The following TRPM3 variants were observed in gnomAD, a reference collection of about 807,000 sequenced individuals.
TRPM3 encodes the protein transient receptor potential cation channel subfamily M member 3.
A neutral mutation model predicts 181.2 loss-of-function variants in TRPM3; 77 were observed. The observed-to-expected ratio is 0.42, with a 90% CI of 0.35 to 0.51. The LOEUF (loss-of-function observed/expected upper bound fraction) is 0.51. Among genes scored for constraint, TRPM3 ranks in the 20% least tolerant of loss-of-function variants. The pLI is 0.01. For synonymous variants in TRPM3, 745 were observed against 796.4 expected (o/e 0.94, Z 1.09); for missense variants, 1,759 against 2,196.7 (o/e 0.80, Z 3.98).
chr9:70,795,632 C>T (rs1051785644), intron 6 of TRPM3, among the ~76,000 whole-genome samples: 1 of 152,196 alleles, frequency 6.6e-6, no homozygotes, highest in Admixed American at 6.5e-5. Flanking sequence ...ACGTCTTCCC[C>T]CAGGGGCCTC....
chr9:71,159,133 G>GAGAA (rs2076152820), intron 1 of TRPM3, among the ~76,000 whole-genome samples: 1 of 146,076 alleles, frequency 6.8e-6, no homozygotes, highest in South Asian at 2.2e-4. Flanking sequence ...GAGAGAGAGA[G>GAGAA]AGAAAGATGT....
intron 3 of TRPM3, among the ~76,000 whole-genome samples, chr9:70,853,942 T>C (rs941609254): frequency 2.0e-5 from 3 of 152,224 alleles, no homozygotes; most frequent in Non-Finnish European, 4.4e-5. Flanking sequence ...TGAGATTATC[T>C]GAGGATTTTC....
At chr9:70,759,527 T>A (rs1484274920) in intron 8 of TRPM3, among the ~76,000 whole-genome samples, 1 of 152,218 alleles carries the variant, frequency 6.6e-6, no homozygotes, top group East Asian at 1.9e-4. Flanking sequence ...TAAAGACACT[T>A]GCACAAGTAT....
intron 1 of TRPM3, among the ~76,000 whole-genome samples, chr9:71,004,410 G>C (rs559347081): frequency 6.6e-6 from 1 of 152,236 alleles, no homozygotes; most frequent in East Asian, 1.9e-4. Flanking sequence ...AATGCTCACT[G>C]TAAGTCTTCC....
chr9:70,539,514 A>C (rs2042706259), intron 25 of TRPM3, among the ~76,000 whole-genome samples: 1 of 147,016 alleles, frequency 6.8e-6, no homozygotes, highest in Admixed American at 6.8e-5. Context: ...CCCCATAACC[A>C]ACCCAATGCA....
chr9:70,606,573 A>G (rs2061164559), intron 19 of TRPM3, among the ~76,000 whole-genome samples: 1 of 151,270 alleles, frequency 6.6e-6, no homozygotes, highest in African/African-American at 2.4e-5. Context: ...CTATCATAGA[A>G]CTCACCAACA....
chr9:71,415,388 T>C (rs2093621167), intron 1 of TRPM3, among the ~76,000 whole-genome samples: 1 of 152,084 alleles, frequency 6.6e-6, no homozygotes. Context: ...TAGATGTAAA[T>C]ATGGTAGACC....
At position 70,604,346 on chromosome 9, in the gene TRPM3, C is replaced by T. The variant is rs139818139; in HGVS notation, c.2668-876G>A. ...GGCTGAGGAGCCTTGAGAGAAGACT[C>T]ACTCACCTTAAGGGAAATGGCAGAC... On this transcript the variant is annotated intron_variant, in intron 19 of 25. Coordinates refer to ENST00000677713, the MANE Select transcript of TRPM3 (RefSeq NM_001366145.2). Among the ~76,000 whole-genome samples the T allele has an allele frequency of 2.1e-4, 32 of 152,346 alleles. 1 individual carries two copies. In the East Asian group the frequency reaches 6.2e-3, roughly 29 times the overall value.
intron 6 of TRPM3, 84 bp from the exon 7 acceptor site, chr9:70,784,363 A>G: frequency 7.1e-7 from 1 of 1,403,836 alleles, no homozygotes; most frequent in East Asian, 2.5e-5. Flanking sequence ...GAGAAACAAA[A>G]AGCACAAACT....
chr9:71,244,811 T>C (rs1353620992), intron 1 of TRPM3, among the ~76,000 whole-genome samples: 1 of 152,098 alleles, frequency 6.6e-6, no homozygotes, highest in Non-Finnish European at 1.5e-5. Context: ...AACCACAGGC[T>C]ACAATAAAAA....
At chr9:71,360,776 C>A (rs1214379202) in intron 1 of TRPM3, among the ~76,000 whole-genome samples, 1 of 151,936 alleles carries the variant, frequency 6.6e-6, no homozygotes, top group East Asian at 1.9e-4. Context: ...ATGCCCAGAG[C>A]ACAGCACTAT....
At chr9:70,563,028 T>A (rs7863194) in intron 22 of TRPM3, among the ~76,000 whole-genome samples, 93,542 of 152,046 alleles carry the variant, frequency 0.62, 29,409 homozygotes, top group East Asian at 0.83. Flanking sequence ...AGTTTGGCCA[T>A]GTGGTTTGCT....
At chr9:71,019,236 C>A (rs2097819817) in intron 1 of TRPM3, among the ~76,000 whole-genome samples, 1 of 151,536 alleles carries the variant, frequency 6.6e-6, no homozygotes, top group Non-Finnish European at 1.5e-5. Context: ...CACTTTTGTT[C>A]AATATTTATT....
chr9:71,320,149 T>C (rs1246948142), intron 1 of TRPM3, among the ~76,000 whole-genome samples: 1 of 151,496 alleles, frequency 6.6e-6, no homozygotes, highest in Non-Finnish European at 1.5e-5. Flanking sequence ...AAAGGTATAT[T>C]AAAAAGAACA....
intron 8 of TRPM3, among the ~76,000 whole-genome samples, chr9:70,682,408 G>A (rs1308380112): frequency 6.6e-6 from 1 of 152,042 alleles, no homozygotes; most frequent in African/African-American, 2.4e-5. Context: ...CTCCTAAATT[G>A]TACAGGACAG....
chr9:70,992,537 C>T (rs1265175788), intron 1 of TRPM3, among the ~76,000 whole-genome samples: 1 of 152,174 alleles, frequency 6.6e-6, no homozygotes, highest in Non-Finnish European at 1.5e-5. Flanking sequence ...GCAACACTGT[C>T]TAACAAAACT....
At chr9:71,437,974 C>A (rs370850959) in intron 1 of TRPM3, among the ~76,000 whole-genome samples, 6 of 151,784 alleles carry the variant, frequency 4.0e-5, no homozygotes, top group African/African-American at 1.5e-4. Context: ...GTGGCTAATA[C>A]CCAAAAATGA....
At chr9:71,007,035 A>G (rs12335908) in intron 1 of TRPM3, among the ~76,000 whole-genome samples, 1 of 72,646 alleles carries the variant, frequency 1.4e-5, no homozygotes, top group Non-Finnish European at 2.4e-5. Flanking sequence ...GCGAAACTCC[A>G]TCTCAAAAAA....
intron 8 of TRPM3, among the ~76,000 whole-genome samples, chr9:70,695,548 A>G (rs1447444282): frequency 1.3e-5 from 2 of 152,174 alleles, no homozygotes; most frequent in East Asian, 3.8e-4. Flanking sequence ...TCTGAGGCAC[A>G]GTTATCTTCT....
Sources: allele counts gnomAD v4.1 joint callset (sites outside exome capture counted in the v4.1 genomes callset), GRCh38; gene constraint gnomAD v4.1.1; transcripts MANE v1.5; gene names NCBI Gene and HGNC (gene_info 2026-07-23, HGNC 2026-07-21).